EXTL2: variants seen among roughly 807,000 people sequenced by gnomAD.
EXTL2 encodes the protein exostosin-like 2.
A neutral mutation model predicts 30.7 loss-of-function variants in EXTL2; 23 were observed. The observed-to-expected ratio is 0.75, with a 90% CI of 0.54 to 1.06. EXTL2 has a LOEUF of 1.06. EXTL2 is among the 50% of genes least tolerant of loss of function. The probability of loss-of-function intolerance (pLI) is 0.00; values close to 1 mark genes in which losing one functional copy is unlikely to be tolerated. For synonymous variants in EXTL2, 123 were observed against 133.8 expected, an observed-to-expected ratio of 0.92 and a Z score of 0.56; for missense variants, 352 against 396.3, an observed-to-expected ratio of 0.89 and a Z score of 0.95.
chr1:100,881,850 C>A (rs892745380), intron 2 of EXTL2, among the ~76,000 whole-genome samples: 4 of 152,138 alleles, frequency 2.6e-5, no homozygotes, highest in African/African-American at 9.7e-5. Context: ...GTCCCCAATC[C>A]CCAGGCTACA....
Position 100,880,920 on chromosome 1 carries a change from CTATAAA to C in EXTL2, c.6-3023_6-3018del, listed in dbSNP as rs953506114. The C allele has an allele frequency of 5.3e-6, 5 of 950,898 alleles. No individual in the cohort carries two copies. The African/African-American group carries it at 8.9e-5, about 17-fold the overall frequency. The allele number at this position is 950,898 out of a possible 1,614,324, so 58.9% of individuals were successfully genotyped here. Reference sequence around the variant, plus strand: ...TAATAAGATTAATTACTATAGCTTACTATAAATATACACCGTTGAAGACACTCATGA... The same window carrying C: ...TAATAAGATTAATTACTATAGCTTACTATACACCGTTGAAGACACTCATGA... On this transcript the variant is annotated intron_variant, in intron 2 of 4. Transcript: ENST00000370114.
chr1:100,877,984 A>G lies in EXTL2; in HGVS notation c.6-81T>C. On this transcript the variant is annotated intron_variant, in intron 2 of 4. Transcript: ENST00000370114. This position sits in a 1 kb window ranked among gnomAD's most constrained non-coding sequence, Gnocchi z 4.1. The stretch of plus-strand genomic sequence containing the variant: ...TTTTCATGTTTTTTTCCAATGAGGA[A>G]AGATATCAATCTTATTTTAGTTGAT... 3.8e-6 allele frequency: 4 copies of G among 1,051,004 alleles called. No individual in the cohort carries two copies. Among genetic ancestry groups the G allele is most frequent in the Non-Finnish European group, 5.5e-6 (4 of 733,384 alleles). 65.1% of individuals were successfully genotyped at this position (1,051,004 alleles called of 1,614,324 possible). A position where few individuals can be genotyped will look rare whatever the true frequency, so the allele number is the denominator to read the frequency against.
intron 2 of EXTL2, among the ~76,000 whole-genome samples, chr1:100,879,826 G>A (rs1165510932): frequency 6.6e-6 from 1 of 152,026 alleles, no homozygotes; most frequent in Non-Finnish European, 1.5e-5. Context: ...TAATATTTAA[G>A]CTCTTGATTT....
rs75542393 is a variant in EXTL2 at position 100,883,095 on chromosome 1, C to A, written c.6-5192G>T. Reference sequence around the variant, plus strand: ...CCTTCTGATGGCACAGTCCACAACTCTTTCCACTATGCTAGGGTAAATTCT... The same window carrying A: ...CCTTCTGATGGCACAGTCCACAACTATTTCCACTATGCTAGGGTAAATTCT... On this transcript the variant is annotated intron_variant, in intron 2 of 4. Transcript: ENST00000370114. 6.5e-3 allele frequency among the ~76,000 whole-genome samples: 985 copies of A among 152,310 alleles called. 17 individuals are homozygous for A. Among genetic ancestry groups the A allele is most frequent in the African/African-American group, 0.021 (858 of 41,558 alleles).
chr1:100,888,609 A>C (rs938841417), intron 2 of EXTL2, 144 bp downstream of exon 2: 13 of 425,844 alleles, frequency 3.1e-5, no homozygotes, highest in African/African-American at 2.0e-4. Flanking sequence ...TGCAAGATGA[A>C]AAAGTTCCAG....
chr1:100,879,952 T>C (rs1365543737), intron 2 of EXTL2, among the ~76,000 whole-genome samples: 1 of 152,164 alleles, frequency 6.6e-6, no homozygotes, highest in African/African-American at 2.4e-5. Context: ...GAATATTCTG[T>C]TCCAAACTAA....
intron 4 of EXTL2, among the ~76,000 whole-genome samples, chr1:100,875,230 G>GGGAC (rs138470751): frequency 6.7e-6 from 1 of 149,310 alleles, no homozygotes; most frequent in African/African-American, 2.5e-5. Flanking sequence ...CAGAACTAGG[G>GGGAC]ACACACACAC....
chr1:100,880,912 A>G lies in EXTL2; in HGVS notation c.6-3009T>C, dbSNP rs536341131. 2.5e-5 allele frequency: 23 copies of G among 938,442 alleles called. No homozygotes were observed. In the East Asian group the frequency reaches 1.3e-3, roughly 53 times the overall value. The allele number at this position is 938,442 out of a possible 1,614,324, so 58.1% of individuals were successfully genotyped here. A position where few individuals can be genotyped will look rare whatever the true frequency, so the allele number is the denominator to read the frequency against. Reference sequence around the variant, plus strand: ...AGAAAAAGTAATAAGATTAATTACTATAGCTTACTATAAATATACACCGTT... The same window carrying G: ...AGAAAAAGTAATAAGATTAATTACTGTAGCTTACTATAAATATACACCGTT... On this transcript the variant is annotated intron_variant, in intron 2 of 4. Coordinates refer to ENST00000370114, the MANE Select transcript of EXTL2 (RefSeq NM_001033025.3).
intron 2 of EXTL2, among the ~76,000 whole-genome samples, chr1:100,880,471 AAATT>A (rs1649465054): frequency 6.6e-6 from 1 of 152,206 alleles, no homozygotes; most frequent in Admixed American, 6.5e-5. Flanking sequence ...ATAAACAAAT[AAATT>A]ATTTTCAAGG....
At chr1:100,887,426 G>T (rs891313213) in intron 2 of EXTL2, among the ~76,000 whole-genome samples, 1 of 152,202 alleles carries the variant, frequency 6.6e-6, no homozygotes, top group Non-Finnish European at 1.5e-5. Context: ...AGTACTAAGG[G>T]ATGGTAGTGA....
At chr1:100,881,372 C>A (rs1649545431) in intron 2 of EXTL2, among the ~76,000 whole-genome samples, 1 of 152,166 alleles carries the variant, frequency 6.6e-6, no homozygotes, top group African/African-American at 2.4e-5. Context: ...AGAGAAAGAA[C>A]CTATCATCTA....
upstream of EXTL2, chr1:100,894,974 A>G (rs1253137271): frequency 6.6e-6 from 1 of 152,132 alleles, no homozygotes; most frequent in Admixed American, 6.5e-5. Context: ...CAAGGTAACA[A>G]CTTTTAAACA....
At chr1:100,878,513 G>A (rs1225114050) in intron 2 of EXTL2, 23 of 468,668 alleles carry the variant, frequency 4.9e-5, no homozygotes, top group Non-Finnish European at 3.1e-5. Flanking sequence ...AGATGATAGG[G>A]AGAAACAGAT....
chr1:100,880,250 G>C (rs1570460212), intron 2 of EXTL2, among the ~76,000 whole-genome samples: 1 of 152,128 alleles, frequency 6.6e-6, no homozygotes, highest in Non-Finnish European at 1.5e-5. Flanking sequence ...TGCAAGCAAA[G>C]GAAGAGTTTG....
intron 4 of EXTL2, among the ~76,000 whole-genome samples, chr1:100,875,622 T>C (rs763147087): frequency 9.9e-5 from 15 of 152,124 alleles, no homozygotes; most frequent in Non-Finnish European, 1.8e-4. Context: ...TGCTTGCTTA[T>C]ACACAAACCT....
intron 2 of EXTL2, among the ~76,000 whole-genome samples, chr1:100,883,022 G>A (rs1410984651): frequency 6.6e-6 from 1 of 152,186 alleles, no homozygotes; most frequent in Non-Finnish European, 1.5e-5. Flanking sequence ...CTAAGGTCAT[G>A]CAGCTGCATG....
At position 100,873,216 on chromosome 1, in the gene EXTL2, C is replaced by T. The variant is rs1317721365; in HGVS notation, c.*726G>A. On this transcript the variant is annotated 3_prime_UTR_variant, in exon 5 of 5. Coordinates refer to ENST00000370114, the MANE Select transcript of EXTL2 (RefSeq NM_001033025.3). ...ACCCGAATCTAGTAACACATTTACT[C>T]CTTGCTGCATATAAGTGGCGTGTAA... 1 of 151,992 alleles carries T rather than the reference C, an allele frequency of 6.6e-6. No individual in the cohort carries two copies. The highest frequency in any genetic ancestry group is 1.5e-5 in the Non-Finnish European group (1 of 67,982). 9.4% of individuals were successfully genotyped at this position (151,992 alleles called of 1,614,324 possible).
chr1:100,880,744 G>A (rs79677604), intron 2 of EXTL2, among the ~76,000 whole-genome samples: 4,587 of 152,204 alleles, frequency 0.03, 217 homozygotes, highest in African/African-American at 0.1. Context: ...CAATCACTTT[G>A]ACTAACTGCA....
intron 1 of EXTL2, among the ~76,000 whole-genome samples, chr1:100,893,178 A>G (rs960028822): frequency 2.0e-5 from 3 of 152,216 alleles, no homozygotes; most frequent in Non-Finnish European, 4.4e-5. Context: ...AAAATGTTCA[A>G]TAGTATATGT....
Sources: gnomAD v4.1 joint callset for allele counts (sites outside exome capture counted in the v4.1 genomes callset) on GRCh38, gnomAD v4.1.1 for gene constraint, Gnocchi (gnomAD v3.1) non-coding constraint, MANE v1.5 for transcripts, NCBI Gene and HGNC (gene_info 2026-07-23, HGNC 2026-07-21) for gene names.